PKNOX1: variants seen among roughly 807,000 people sequenced by gnomAD.
PKNOX1 encodes homeobox protein PKNOX1.
In PKNOX1, 15 loss-of-function variants were observed where a neutral mutation model predicts 51.9. The observed-to-expected ratio is 0.29, with a 90% confidence interval of 0.19 to 0.45. The LOEUF (loss-of-function observed/expected upper bound fraction) is 0.45. Ranked by LOEUF, PKNOX1 falls within the 20% of genes least tolerant of loss-of-function variation. The pLI, the probability that PKNOX1 is intolerant of heterozygous loss-of-function variation, is 1.00. For synonymous variants in PKNOX1, 219 were observed against 211.1 expected (o/e 1.04, Z -0.32); for missense variants, 462 against 547.5 (o/e 0.84, Z 1.56).
At chr21:43,006,177 G>A (rs34399172) in intron 2 of PKNOX1, among the ~76,000 whole-genome samples, 5,334 of 152,102 alleles carry the variant, frequency 0.035, 133 homozygotes, top group Middle Eastern at 0.061. Context: ...CGGCTGGAGT[G>A]CAGTGGTGTG....
At chr21:42,975,336 G>A (rs1229067546) in intron 1 of PKNOX1, among the ~76,000 whole-genome samples, 1 of 151,828 alleles carries the variant, frequency 6.6e-6, no homozygotes, top group Non-Finnish European at 1.5e-5. Flanking sequence ...GCCGGGCGCC[G>A]GCGCGGGAGC....
chr21:42,979,538 C>A (rs1402149991), intron 1 of PKNOX1, among the ~76,000 whole-genome samples: 1 of 151,918 alleles, frequency 6.6e-6, no homozygotes, highest in African/African-American at 2.4e-5. Flanking sequence ...GTCAGGAGAT[C>A]GAGACCATCC....
chr21:42,975,190 C>T (rs2058987670), intron 1 of PKNOX1, among the ~76,000 whole-genome samples: 1 of 146,954 alleles, frequency 6.8e-6, no homozygotes, highest in Admixed American at 6.7e-5. Context: ...GCCGGCGGGG[C>T]TGCTCGGAGG....
intron 1 of PKNOX1, among the ~76,000 whole-genome samples, chr21:42,991,110 C>T (rs1178904959): frequency 1.3e-5 from 2 of 152,018 alleles, no homozygotes; most frequent in East Asian, 3.9e-4. Context: ...GTAGCATGTC[C>T]TGAACCTTGT....
In PKNOX1 at chr21:43,031,718, T is replaced by G. The variant is rs1453270076; in HGVS notation, c.*1617T>G. On this transcript the variant is annotated 3_prime_UTR_variant, in exon 11 of 11. Coordinates refer to ENST00000291547, the MANE Select transcript of PKNOX1 (RefSeq NM_004571.5). ...TAAGCCAAGGGACATTTTAAGCTAGTGAAGAGTTTTTTCTGGAATTGATTT... is the reference window on the plus strand; with the variant it reads ...TAAGCCAAGGGACATTTTAAGCTAGGGAAGAGTTTTTTCTGGAATTGATTT... 6.3e-6 allele frequency: 1 copy of G among 157,738 alleles called. No homozygotes were observed. The highest frequency in any genetic ancestry group is 1.4e-5 in the Non-Finnish European group (1 of 71,168). 9.8% of individuals were successfully genotyped at this position (157,738 alleles called of 1,614,324 possible).
chr21:42,989,546 G>A (rs1424366889), intron 1 of PKNOX1, among the ~76,000 whole-genome samples: 1 of 152,034 alleles, frequency 6.6e-6, no homozygotes, highest in Non-Finnish European at 1.5e-5. Flanking sequence ...AGCCTCCCGA[G>A]TAGCTGGGAT....
chr21:42,999,886 A>C (rs1978671852), intron 1 of PKNOX1, among the ~76,000 whole-genome samples: 1 of 152,164 alleles, frequency 6.6e-6, no homozygotes, highest in Non-Finnish European at 1.5e-5. Context: ...TCACCTCTTG[A>C]ATGCTTTGCT....
rs138486584 is a variant in PKNOX1, at chr21:43,029,424, G to GTTTTTTTTTTTTTTTTTTTTT, written c.1100-465_1100-445dup. Among the ~76,000 whole-genome samples the GTTTTTTTTTTTTTTTTTTTTT allele has an allele frequency of 1.1e-3, 70 of 63,288 alleles. 8 individuals are homozygous for GTTTTTTTTTTTTTTTTTTTTT. The highest frequency in any genetic ancestry group is 2.0e-3 in the South Asian group (3 of 1,492). 41.5% of individuals were successfully genotyped at this position (63,288 alleles called of 152,430 possible). A position where few individuals can be genotyped will look rare whatever the true frequency, so the allele number is the denominator to read the frequency against. On this transcript the variant is annotated intron_variant, in intron 10 of 10. Transcript: ENST00000291547. ...TTATTTTTTTTTATTTGTTTGCTTT[G>GTTTTTTTTTTTTTTTTTTTTT]TTTTTTTTTTTTTTTTTTTTTGAGA...
intron 5 of PKNOX1, among the ~76,000 whole-genome samples, chr21:43,014,021 T>C (rs2146276278): frequency 7.1e-6 from 1 of 141,228 alleles, no homozygotes; most frequent in Non-Finnish European, 1.5e-5. Flanking sequence ...TCTTTTGCCT[T>C]TTTTTTTTTT....
intron 1 of PKNOX1, among the ~76,000 whole-genome samples, chr21:42,975,897 C>T (rs1023924401): frequency 6.6e-6 from 1 of 152,222 alleles, no homozygotes; most frequent in African/African-American, 2.4e-5. Context: ...ATGATTTTTC[C>T]TGGCATACTG....
rs568139547 is a variant in PKNOX1 at position 42,990,901 on chromosome 21, C to T, written c.-56-13425C>T. Among the ~76,000 whole-genome samples the T allele has an allele frequency of 3.9e-5, 6 of 152,214 alleles. No homozygotes were observed. The East Asian group carries it at 1.2e-3, about 29-fold the overall frequency. On this transcript the variant is annotated intron_variant, in intron 1 of 10. Coordinates refer to ENST00000291547, the MANE Select transcript of PKNOX1 (RefSeq NM_004571.5). ...CTTTGGAGGTCAGCATGTTTCCTCC[C>T]CCCGTAGATACGGAGGGCACTTCTC... is the stretch of plus-strand genomic sequence containing the variant.
At chr21:43,012,453 A>G (rs1601293584) in intron 4 of PKNOX1, among the ~76,000 whole-genome samples, 1 of 152,130 alleles carries the variant, frequency 6.6e-6, no homozygotes, top group Non-Finnish European at 1.5e-5. Flanking sequence ...CCAGCTACTC[A>G]GGAGGCTGAG....
intron 2 of PKNOX1, among the ~76,000 whole-genome samples, chr21:43,006,699 G>A (rs773926908): frequency 4.6e-5 from 7 of 152,110 alleles, no homozygotes; most frequent in Non-Finnish European, 1.0e-4. Flanking sequence ...GGATGGCCCC[G>A]CTCCCATGAG....
In PKNOX1 at chr21:43,021,482, T is replaced by G; in HGVS notation, c.849+51T>G. On this transcript the variant is annotated intron_variant, in intron 8 of 10. Coordinates refer to ENST00000291547, the MANE Select transcript of PKNOX1 (RefSeq NM_004571.5). This position sits in a 1 kb window ranked among gnomAD's most constrained non-coding sequence, Gnocchi z 4.6. The stretch of plus-strand genomic sequence containing the variant: ...CCTTGCAGCCCTCTGCGACGCTTGC[T>G]CTCTGGCTTATGTGTCATGGAAAAG... The G allele has an allele frequency of 6.5e-7, 1 of 1,534,838 alleles. No individual in the cohort carries two copies. The highest frequency in any genetic ancestry group is 1.2e-5 in the South Asian group (1 of 81,566).
At chr21:42,990,252 C>T (rs1316765284) in intron 1 of PKNOX1, among the ~76,000 whole-genome samples, 1 of 151,964 alleles carries the variant, frequency 6.6e-6, no homozygotes, top group Non-Finnish European at 1.5e-5. Context: ...GAGCAAGACT[C>T]CGTCATAAAT....
intron 1 of PKNOX1, among the ~76,000 whole-genome samples, chr21:42,977,734 A>G (rs939934215): frequency 1.3e-5 from 2 of 151,628 alleles, no homozygotes; most frequent in Non-Finnish European, 2.9e-5. Context: ...TTTTTAGTAG[A>G]GACGGGCTCT....
intron 5 of PKNOX1, among the ~76,000 whole-genome samples, chr21:43,015,817 A>AT (rs71332387): frequency 0.036 from 5,316 of 145,764 alleles, 132 homozygotes; most frequent in Middle Eastern, 0.064. Flanking sequence ...TTGTGTCTCT[A>AT]TTTTTTTTTT....
intron 1 of PKNOX1, among the ~76,000 whole-genome samples, chr21:42,994,880 A>G (rs1978420900): frequency 6.9e-6 from 1 of 144,898 alleles, no homozygotes; most frequent in Non-Finnish European, 1.5e-5. Context: ...CACATACCAC[A>G]TTTGGTTGTT....
Position 42,993,309 on chromosome 21 carries a change from C to T in PKNOX1, c.-56-11017C>T, listed in dbSNP as rs565155672. ...TCAAAACGCTGACTGAACGAATGTC[C>T]GTCTCGCCTCCACAGGGCCTACATC... is the stretch of plus-strand genomic sequence containing the variant. On this transcript the variant is annotated intron_variant, in intron 1 of 10. Coordinates refer to ENST00000291547, the MANE Select transcript of PKNOX1 (RefSeq NM_004571.5). Among the ~76,000 whole-genome samples the T allele has an allele frequency of 2.6e-5, 4 of 152,218 alleles. No homozygotes were observed. In the South Asian group the frequency reaches 6.2e-4, roughly 24 times the overall value.
Sources: gnomAD v4.1 joint callset for allele counts (sites outside exome capture counted in the v4.1 genomes callset) on GRCh38, gnomAD v4.1.1 for gene constraint, Gnocchi (gnomAD v3.1) non-coding constraint, MANE v1.5 for transcripts, NCBI Gene and HGNC (gene_info 2026-07-23, HGNC 2026-07-21) for gene names.